Variants in SPIDR observed in about 807,000 individuals in gnomAD.
SPIDR encodes DNA repair-scaffolding protein.
A neutral mutation model predicts 104.6 loss-of-function variants in SPIDR; 93 were observed. That is an observed-to-expected ratio of 0.89 (90% CI 0.75 to 1.06). The LOEUF is 1.06. Ranked by LOEUF, SPIDR falls within the 50% of genes least tolerant of loss-of-function variation. The probability of loss-of-function intolerance (pLI) is 0.00; values close to 1 mark genes in which losing one functional copy is unlikely to be tolerated. For missense variants in SPIDR, 1,154 were observed against 1,111.2 expected (o/e 1.04, Z -0.55); for synonymous variants, 431 against 416.9 (o/e 1.03, Z -0.41).
At chr8:47,637,555 G>C (rs966201818) in intron 10 of SPIDR, among the ~76,000 whole-genome samples, 3 of 152,156 alleles carry the variant, frequency 2.0e-5, no homozygotes, top group Non-Finnish European at 4.4e-5. Context: ...GGGCGACAGA[G>C]CAAGACGTGC....
At chr8:47,483,138 GTTTGTTTTGTTTTGTTTTGT>G (rs150219948) in intron 8 of SPIDR, among the ~76,000 whole-genome samples, 1 of 150,896 alleles carries the variant, frequency 6.6e-6, no homozygotes, top group Non-Finnish European at 1.5e-5. Flanking sequence ...GTTTTTTTTT[GTTTGTTTTGTTTTGTTTTGT>G]TTTGTTTTGT....
rs1245925798 is a variant in SPIDR at position 47,599,293 on chromosome 8, G to A, written c.1544+97G>A. ...CTCTTCTCAGAGCACGTTCTTAGCT[G>A]CATTCACCATATACGTGAGCTGTTT... On this transcript the variant is annotated intron_variant, in intron 10 of 19. Transcript: ENST00000297423. 10 of 1,492,448 alleles carry A rather than the reference G, an allele frequency of 6.7e-6. No homozygotes were observed. In the South Asian group the frequency reaches 1.1e-4, roughly 17 times the overall value. The allele number at this position is 1,492,448 out of a possible 1,614,324, so 92.5% of individuals were successfully genotyped here.
intron 5 of SPIDR, among the ~76,000 whole-genome samples, chr8:47,378,678 T>G (rs1039179441): frequency 6.6e-6 from 1 of 152,210 alleles, no homozygotes; most frequent in Non-Finnish European, 1.5e-5. Flanking sequence ...TTTGTCTTCT[T>G]TCACCCCAAA....
intron 10 of SPIDR, among the ~76,000 whole-genome samples, chr8:47,662,836 G>A (rs1214588468): frequency 3.9e-5 from 6 of 152,326 alleles, no homozygotes; most frequent in Non-Finnish European, 7.4e-5. Context: ...AGAGGCCCAA[G>A]AGAGTCATTG....
Position 47,540,891 on chromosome 8 carries a change from A to T in SPIDR, c.1098-54920A>T, listed in dbSNP as rs948446775. Among the ~76,000 whole-genome samples the T allele has an allele frequency of 6.6e-5, 10 of 152,184 alleles. 1 individual carries two copies. In the South Asian group the frequency reaches 2.1e-3, roughly 32 times the overall value. ...TTAACACTCTTGTTTTGAGCGTCTCACTCTGTTGCCTAGGCTGGAGTGCAG... is the reference window on the plus strand; with the variant it reads ...TTAACACTCTTGTTTTGAGCGTCTCTCTCTGTTGCCTAGGCTGGAGTGCAG... On this transcript the variant is annotated intron_variant, in intron 8 of 19. Transcript: ENST00000297423.
chr8:47,508,481 G>A (rs537838144), intron 8 of SPIDR, among the ~76,000 whole-genome samples: 47 of 152,334 alleles, frequency 3.1e-4, no homozygotes, highest in African/African-American at 1.1e-3. Flanking sequence ...CACACAAAAA[G>A]AGATGTGATA....
At chr8:47,360,244 CAAAAAAAAAAAAA>C (rs1186187617) in intron 5 of SPIDR, among the ~76,000 whole-genome samples, 1 of 38,960 alleles carries the variant, frequency 2.6e-5, no homozygotes, top group Non-Finnish European at 4.0e-5. Flanking sequence ...GACTCCATCT[CAAAAAAAAAAAAA>C]AAAAAAAAAA....
chr8:47,592,255 A>T (rs1479791597), intron 8 of SPIDR: 2 of 1,269,026 alleles, frequency 1.6e-6, no homozygotes, highest in African/African-American at 2.9e-5. Flanking sequence ...GATCGTCTGG[A>T]TTGGGAGCAC....
intron 5 of SPIDR, among the ~76,000 whole-genome samples, chr8:47,346,517 G>C (rs1251455923): frequency 3.3e-5 from 5 of 152,064 alleles, no homozygotes; most frequent in African/African-American, 7.2e-5. Context: ...TTTTTCTATT[G>C]ATTGAAATAG....
intron 7 of SPIDR, among the ~76,000 whole-genome samples, chr8:47,431,402 C>T (rs936674203): frequency 2.0e-5 from 3 of 152,204 alleles, no homozygotes; most frequent in Non-Finnish European, 4.4e-5. Context: ...GGCTTAACTT[C>T]GCTTAGGGAT....
At chr8:47,634,546 C>T (rs948389222) in intron 10 of SPIDR, among the ~76,000 whole-genome samples, 1 of 152,152 alleles carries the variant, frequency 6.6e-6, no homozygotes, top group African/African-American at 2.4e-5. Flanking sequence ...ATTCTTCCAG[C>T]GGAAAACCTC....
intron 7 of SPIDR, among the ~76,000 whole-genome samples, chr8:47,423,761 G>A (rs2154336063): frequency 6.6e-6 from 1 of 152,330 alleles, no homozygotes; most frequent in East Asian, 1.9e-4. Context: ...CACTTCCAAG[G>A]TAGTGCCTTG....
At chr8:47,464,546 C>G (rs1354356084) in intron 8 of SPIDR, among the ~76,000 whole-genome samples, 1 of 152,140 alleles carries the variant, frequency 6.6e-6, no homozygotes, top group African/African-American at 2.4e-5. Context: ...GGACTCCTTC[C>G]TAGCCCCTGG....
intron 5 of SPIDR, among the ~76,000 whole-genome samples, chr8:47,295,847 T>C (rs1421001976): frequency 8.5e-5 from 13 of 152,144 alleles, no homozygotes; most frequent in Admixed American, 8.5e-4. Flanking sequence ...TATTTTTAGT[T>C]TTTTGAGAGA....
At chr8:47,267,076 T>C (rs2034232180) in intron 1 of SPIDR, among the ~76,000 whole-genome samples, 1 of 152,258 alleles carries the variant, frequency 6.6e-6, no homozygotes, top group Admixed American at 6.5e-5. Flanking sequence ...CCTATTTATT[T>C]TGAATAAATT....
At chr8:47,418,786 A>ACGTC (rs1554677355) in intron 7 of SPIDR, among the ~76,000 whole-genome samples, 11 of 152,190 alleles carry the variant, frequency 7.2e-5, no homozygotes. Context: ...GTTTTGAGAT[A>ACGTC]CGTCCCATCA....
chr8:47,493,187 A>G (rs970791120), intron 8 of SPIDR, among the ~76,000 whole-genome samples: 1 of 152,152 alleles, frequency 6.6e-6, no homozygotes, highest in African/African-American at 2.4e-5. Flanking sequence ...TTAAGAGCAG[A>G]AACAATGAAT....
chr8:47,501,968 C>G (rs766180409), intron 8 of SPIDR, among the ~76,000 whole-genome samples: 26 of 152,146 alleles, frequency 1.7e-4, no homozygotes, highest in Non-Finnish European at 1.8e-4. Flanking sequence ...GTATGTTGAA[C>G]CAGCCTTGCA....
At chr8:47,408,827 A>G (rs2063107464) in intron 7 of SPIDR, among the ~76,000 whole-genome samples, 1 of 152,244 alleles carries the variant, frequency 6.6e-6, no homozygotes, top group African/African-American at 2.4e-5. Context: ...CTGTATATTA[A>G]CAACGAGATA....
Sources: allele counts gnomAD v4.1 joint callset (sites outside exome capture counted in the v4.1 genomes callset), GRCh38; gene constraint gnomAD v4.1.1; transcripts MANE v1.5; gene names NCBI Gene and HGNC (gene_info 2026-07-23, HGNC 2026-07-21).